The following GREB1L variants were observed in gnomAD, a reference collection of about 807,000 sequenced individuals.
The protein encoded by GREB1L is GREB1-like protein.
Under a neutral mutation model 200.8 loss-of-function variants are expected in GREB1L, and 17 were observed. The observed-to-expected ratio is 0.08, with a 90% CI of 0.06 to 0.13. The LOEUF is 0.13. Among genes scored for constraint, GREB1L ranks in the 10% least tolerant of loss-of-function variants. GREB1L has a pLI of 1.00. For synonymous variants in GREB1L, 789 were observed against 893.0 expected (o/e 0.88, Z 2.08); for missense variants, 1,657 against 2,367.7 (o/e 0.70, Z 6.23).
intron 4 of GREB1L, among the ~76,000 whole-genome samples, chr18:21,388,707 G>A (rs2040655150): frequency 1.3e-5 from 2 of 151,570 alleles, no homozygotes; most frequent in South Asian, 2.1e-4. Flanking sequence ...ACCACGCCCC[G>A]CTAATTTTTT....
Position 21,508,611 on chromosome 18 carries a change from TG to T in GREB1L, c.4735+24del, listed in dbSNP as rs1455118805. The T allele has an allele frequency of 1.9e-6, 3 of 1,544,296 alleles. No homozygotes were observed. The highest frequency in any genetic ancestry group is 2.8e-5 in the African/African-American group (2 of 72,246). On this transcript the variant is annotated intron_variant, in intron 27 of 32. Transcript: ENST00000424526. ...GCGTGGGTAAGGGGCCCCCCTGGGA[TG>T]GGGAGAAGGGCTTCGAAGATAAACT...
intron 17 of GREB1L, among the ~76,000 whole-genome samples, chr18:21,481,179 G>A (rs1200580563): frequency 2.0e-5 from 3 of 152,062 alleles, no homozygotes; most frequent in Non-Finnish European, 4.4e-5. Flanking sequence ...AGGAAGCTCC[G>A]TGGAAAAGAG....
chr18:21,317,189 C>T (rs2038883980), intron 1 of GREB1L, among the ~76,000 whole-genome samples: 1 of 152,004 alleles, frequency 6.6e-6, no homozygotes, highest in Non-Finnish European at 1.5e-5. Flanking sequence ...GCCTGGGCAA[C>T]ATAGTGAGAC....
intron 18 of GREB1L, among the ~76,000 whole-genome samples, chr18:21,486,227 G>A (rs2036123403): frequency 6.6e-6 from 1 of 152,104 alleles, no homozygotes; most frequent in East Asian, 1.9e-4. Flanking sequence ...GGTGGCAGAT[G>A]CCTGTAGTCC....
intron 15 of GREB1L, among the ~76,000 whole-genome samples, chr18:21,465,515 AAC>A (rs1283042060): frequency 1.3e-5 from 2 of 152,182 alleles, no homozygotes; most frequent in Admixed American, 6.5e-5. Flanking sequence ...ATTTAGCAAA[AAC>A]ACAACAATAA....
chr18:21,298,924 GACCCTGTCTCT>G (rs1227576037), intron 1 of GREB1L, among the ~76,000 whole-genome samples: 1 of 152,108 alleles, frequency 6.6e-6, no homozygotes, highest in African/African-American at 2.4e-5. Context: ...AACCAAGCGA[GACCCTGTCTCT>G]GGGGAGGGGG....
At chr18:21,477,033 T>C (rs141552172) in intron 16 of GREB1L, 131 bp from the exon 17 acceptor site, 9 of 579,618 alleles carry the variant, frequency 1.6e-5, no homozygotes, top group East Asian at 3.0e-5. Context: ...CAAATTTTAG[T>C]TGTTTCTTCT....
At chr18:21,326,478 C>T (rs1355806590) in intron 1 of GREB1L, among the ~76,000 whole-genome samples, 1 of 152,180 alleles carries the variant, frequency 6.6e-6, no homozygotes, top group South Asian at 2.1e-4. Flanking sequence ...ACACCGATAG[C>T]CGGTCGCTGG....
intron 7 of GREB1L, among the ~76,000 whole-genome samples, chr18:21,410,083 C>T (rs2144675562): frequency 6.6e-6 from 1 of 152,060 alleles, no homozygotes; most frequent in South Asian, 2.1e-4. Flanking sequence ...ATTAATAGTA[C>T]TGGTATGTAC....
rs34682720 is a variant in GREB1L, at chr18:21,448,159, C to CAA, written c.1394-1338_1394-1337dup. ...CCTGGATGACAAAGGGAAACTGTCT[C>CAA]AAAAAAAAAAAAAAGCAGCAGCAGC... On this transcript the variant is annotated intron_variant, in intron 11 of 32. Transcript: ENST00000424526. 3.5e-3 allele frequency among the ~76,000 whole-genome samples: 465 copies of CAA among 131,718 alleles called. 2 individuals are homozygous for CAA. The highest frequency in any genetic ancestry group is 5.2e-3 in the Non-Finnish European group (328 of 63,498). 86.4% of individuals were successfully genotyped at this position (131,718 alleles called of 152,430 possible).
At position 21,335,259 on chromosome 18, in the gene GREB1L, GC is replaced by G. The variant is rs575561506; in HGVS notation, c.-119-30766del. The stretch of plus-strand genomic sequence containing the variant: ...AGGCCATTTAATACTTTGGAGCCTA[GC>G]CTTTTTGAGTATGGATACATGATCA... On this transcript the variant is annotated intron_variant, in intron 1 of 32. Transcript: ENST00000424526. Among the ~76,000 whole-genome samples the G allele has an allele frequency of 3.9e-5, 6 of 152,262 alleles. No individual in the cohort carries two copies. In the East Asian group the frequency reaches 9.6e-4, roughly 24 times the overall value.
At chr18:21,249,942 G>GT (rs1473837355) in intron 1 of GREB1L, among the ~76,000 whole-genome samples, 1 of 152,120 alleles carries the variant, frequency 6.6e-6, no homozygotes, top group Non-Finnish European at 1.5e-5. Context: ...AAAATATGAT[G>GT]TTTTTTAGGT....
At chr18:21,339,018 GTC>G (rs1187560689) in intron 1 of GREB1L, among the ~76,000 whole-genome samples, 1 of 152,036 alleles carries the variant, frequency 6.6e-6, no homozygotes, top group African/African-American at 2.4e-5. Context: ...GCAAAACCCC[GTC>G]TCTACTAAAA....
intron 1 of GREB1L, chr18:21,363,494 A>G (rs912737630): frequency 1.3e-5 from 2 of 151,942 alleles, no homozygotes; most frequent in African/African-American, 4.8e-5. Context: ...TTTATGGTCC[A>G]ATGTCTGTCA....
In GREB1L at chr18:21,500,101, C is replaced by T; in HGVS notation, c.3764C>T (p.Ser1255Phe). 4 of 1,551,746 alleles carry T rather than the reference C, an allele frequency of 2.6e-6. No individual in the cohort carries two copies. Among genetic ancestry groups the T allele is most frequent in the Non-Finnish European group, 1.7e-6 (2 of 1,147,020 alleles). The change falls in exon 22 of 33, where the codon TCC (serine) becomes TTC (phenylalanine). Residue 1255 changes from serine (S) to phenylalanine (F), a missense_variant. Transcript: ENST00000424526. ...QKSGKLPSSSSLLPHADVAWV... is the reference protein window; with the variant it reads ...QKSGKLPSSSFLLPHADVAWV... ...AGTGGCAAGCTGCCATCCTCCTCCT[C>T]CCTGCTGCCCCACGCCGACGTGGCC... is the stretch of plus-strand genomic sequence containing the variant.
rs904742443 is a variant in GREB1L, at chr18:21,395,374, CT to C, written c.356-10del. The stretch of plus-strand genomic sequence containing the variant: ...ATTTCACTGTGTCCTTTTTTTTAAA[CT>C]GGTTTTTAGGTTTTTGTCAAGCAGG... On this transcript the variant is annotated splice_polypyrimidine_tract_variant and intron_variant, in intron 4 of 32. Coordinates refer to ENST00000424526, the MANE Select transcript of GREB1L (RefSeq NM_001142966.3). 3 of 1,538,084 alleles carry C rather than the reference CT, an allele frequency of 2.0e-6. No individual in the cohort carries two copies. The African/African-American group carries it at 4.2e-5, about 21-fold the overall frequency.
chr18:21,354,360 GGAGGATAGCGTGAGCCCAGTTATTAGA>G (rs1467286320), intron 1 of GREB1L, among the ~76,000 whole-genome samples: 1 of 152,114 alleles, frequency 6.6e-6, no homozygotes, highest in Non-Finnish European at 1.5e-5. Flanking sequence ...GGCAGAGGTG[GGAGGATAGCGTGAGCCCAGTTATTAGA>G]GACCAGCCTG....
At chr18:21,297,793 G>A (rs143270496) in intron 1 of GREB1L, among the ~76,000 whole-genome samples, 113 of 152,136 alleles carry the variant, frequency 7.4e-4, no homozygotes, top group African/African-American at 2.6e-3. Context: ...TTATGCTTGT[G>A]TGGCATTATC....
intron 7 of GREB1L, among the ~76,000 whole-genome samples, chr18:21,431,752 C>T (rs1406943055): frequency 1.3e-5 from 2 of 151,904 alleles, no homozygotes; most frequent in African/African-American, 4.8e-5. Flanking sequence ...GCTGTTTCTC[C>T]CTTCAGTTAT....
Sources: gnomAD v4.1 joint callset for allele counts (sites outside exome capture counted in the v4.1 genomes callset) on GRCh38, gnomAD v4.1.1 for gene constraint, MANE v1.5 for transcripts, NCBI Gene and HGNC (gene_info 2026-07-23, HGNC 2026-07-21) for gene names.